NIN: variants seen among roughly 807,000 people sequenced by gnomAD.
NIN encodes the protein ninein.
In NIN, 137 loss-of-function variants were observed where a neutral mutation model predicts 257.6. That is an observed-to-expected ratio of 0.53 (90% CI 0.46 to 0.61). The LOEUF (loss-of-function observed/expected upper bound fraction) is 0.61. Ranked by LOEUF, NIN falls within the 20% of genes least tolerant of loss-of-function variation. NIN has a pLI of 0.00. For synonymous variants in NIN, 918 were observed against 919.8 expected, an observed-to-expected ratio of 1.00 and a Z score of 0.04; for missense variants, 2,439 against 2,501.2, an observed-to-expected ratio of 0.98 and a Z score of 0.53.
At chr14:50,746,637 C>T (rs1412302421) in intron 22 of NIN, among the ~76,000 whole-genome samples, 21 of 152,142 alleles carry the variant, frequency 1.4e-4, no homozygotes, top group Admixed American at 1.4e-3. Flanking sequence ...TATATGAGTG[C>T]CATCACAATC....
intron 28 of NIN, among the ~76,000 whole-genome samples, chr14:50,731,621 G>A (rs545486833): frequency 3.8e-4 from 58 of 151,780 alleles, no homozygotes; most frequent in Middle Eastern, 3.4e-3. Flanking sequence ...GGATCACGAG[G>A]TCAGGAGATC....
At chr14:50,789,423 A>G (rs2043486722) in intron 5 of NIN, among the ~76,000 whole-genome samples, 1 of 152,186 alleles carries the variant, frequency 6.6e-6, no homozygotes, top group African/African-American at 2.4e-5. Flanking sequence ...AAATACAAAA[A>G]TTAGCCAGGC....
chr14:50,745,999 A>G (rs1038777994), intron 22 of NIN, among the ~76,000 whole-genome samples: 4 of 151,460 alleles, frequency 2.6e-5, no homozygotes, highest in African/African-American at 9.7e-5. Context: ...CAGGCTCACA[A>G]TTTCTTCATC....
At chr14:50,739,009 G>A (rs776446192) in intron 26 of NIN, among the ~76,000 whole-genome samples, 1 of 152,062 alleles carries the variant, frequency 6.6e-6, no homozygotes, top group African/African-American at 2.4e-5. Flanking sequence ...ACTAGTCTTG[G>A]TGGCCAGCCA....
Position 50,787,196 on chromosome 14 carries a change from C to T in NIN, c.435+5516G>A, listed in dbSNP as rs141117787. ...CTGTTGATAAGAATCTTACTAGACC[C>T]GATTTATTCCCTGTGGAGGAAAACA... On this transcript the variant is annotated intron_variant, in intron 5 of 30. Transcript: ENST00000530997. 1.5e-4 allele frequency among the ~76,000 whole-genome samples: 23 copies of T among 152,306 alleles called. 1 individual carries two copies. The East Asian group carries it at 4.4e-3, about 29-fold the overall frequency.
At chr14:50,780,651 A>T (rs1237246180) in intron 5 of NIN, among the ~76,000 whole-genome samples, 1 of 152,206 alleles carries the variant, frequency 6.6e-6, no homozygotes, top group Non-Finnish European at 1.5e-5. Flanking sequence ...GATATTTAAG[A>T]TAGTATCAAT....
rs943462947 is a variant in NIN, at chr14:50,722,218, G to C, written c.*1245C>G. The C allele has an allele frequency of 3.1e-5, 7 of 225,528 alleles. No homozygotes were observed. The highest frequency in any genetic ancestry group is 3.5e-5 in the Non-Finnish European group (4 of 113,308). The allele number at this position is 225,528 out of a possible 1,614,324, so 14.0% of individuals were successfully genotyped here. On this transcript the variant is annotated 3_prime_UTR_variant, in exon 31 of 31. Coordinates refer to ENST00000530997, the MANE Select transcript of NIN (RefSeq NM_020921.4). ...GACTGTTCTATAAAGTTTTGATCTT[G>C]AGCATGAGTGGAAAGTCCTATTTGG...
chr14:50,827,141 C>T (rs1217632248), intron 2 of NIN, among the ~76,000 whole-genome samples: 2 of 152,208 alleles, frequency 1.3e-5, no homozygotes, highest in African/African-American at 4.8e-5. Flanking sequence ...ATTGGCTGCA[C>T]AGATTTTCAG....
chr14:50,814,491 G>A (rs529203864), intron 3 of NIN, among the ~76,000 whole-genome samples: 1 of 152,162 alleles, frequency 6.6e-6, no homozygotes, highest in Non-Finnish European at 1.5e-5. Context: ...AAGGGAAATA[G>A]TCTTCCCATT....
At chr14:50,823,074 G>A (rs2045301174) in intron 2 of NIN, 1 of 414,428 alleles carries the variant, frequency 2.4e-6, no homozygotes, top group South Asian at 1.9e-5. Context: ...AAAACTTGGA[G>A]ACGTCAATAA....
At chr14:50,766,564 G>GTA (rs1258900272) in intron 13 of NIN, among the ~76,000 whole-genome samples, 168 bp from the exon 14 acceptor site, 1 of 152,210 alleles carries the variant, frequency 6.6e-6, no homozygotes. Flanking sequence ...GCACTAGAGT[G>GTA]ACGTGTTCAA....
chr14:50,818,686 C>T (rs2045051274), intron 3 of NIN, among the ~76,000 whole-genome samples: 1 of 152,118 alleles, frequency 6.6e-6, no homozygotes, highest in Admixed American at 6.5e-5. Context: ...CGGCAATATC[C>T]CTTTTCCTTC....
intron 29 of NIN, chr14:50,727,618 G>A: frequency 6.9e-7 from 1 of 1,440,722 alleles, no homozygotes; most frequent in Admixed American, 1.8e-5. Flanking sequence ...TCTGTGTGTG[G>A]TGTGTGTGCA....
chr14:50,782,808 AT>A (rs911978371), intron 5 of NIN, among the ~76,000 whole-genome samples: 1 of 152,166 alleles, frequency 6.6e-6, no homozygotes, highest in African/African-American at 2.4e-5. Context: ...ATTATGACAG[AT>A]GAGGCGGTTT....
intron 20 of NIN, among the ~76,000 whole-genome samples, chr14:50,753,588 C>T (rs1173198349): frequency 1.3e-5 from 2 of 152,102 alleles, no homozygotes; most frequent in Non-Finnish European, 2.9e-5. Context: ...TCCATTTATA[C>T]ATGGTAGTAT....
chr14:50,770,446 A>G lies in NIN; in HGVS notation c.1376T>C (p.Ile459Thr). ...GKQRLELEQE[I>T]EKAKTEENYI... ...GTTCTCTTCTGTTTTTGCCTTTTCA[A>G]TTTCCTGTTCAAGTTCTAAACGCTG... Residue 459 changes from isoleucine to threonine, a missense_variant, in exon 12 of 31, where the codon ATT (isoleucine) becomes ACT (threonine). By Grantham distance (89) the Ile-to-Thr change is moderately conservative. Transcript: ENST00000530997. The G allele has an allele frequency of 1.2e-6, 2 of 1,614,154 alleles. No homozygotes were observed. Among genetic ancestry groups the G allele is most frequent in the Non-Finnish European group, 8.5e-7 (1 of 1,180,010 alleles).
At chr14:50,775,216 T>C (rs2141848581) in intron 7 of NIN, among the ~76,000 whole-genome samples, 1 of 152,184 alleles carries the variant, frequency 6.6e-6, no homozygotes. Flanking sequence ...TTTTTTTCAA[T>C]GTAGCAAAAA....
At chr14:50,776,461 T>C in intron 7 of NIN, among the ~76,000 whole-genome samples, 1 of 152,228 alleles carries the variant, frequency 6.6e-6, no homozygotes, top group East Asian at 1.9e-4. Context: ...TAGCTCCTCG[T>C]CAGCAAGCAA....
intron 28 of NIN, among the ~76,000 whole-genome samples, chr14:50,733,604 T>C (rs2040828035): frequency 1.3e-5 from 2 of 152,174 alleles, no homozygotes; most frequent in South Asian, 4.1e-4. Flanking sequence ...ATAATGTTAA[T>C]GGGTGCTGGG....
Sources: allele counts gnomAD v4.1 joint callset (sites outside exome capture counted in the v4.1 genomes callset), GRCh38; gene constraint gnomAD v4.1.1; transcripts MANE v1.5; gene names NCBI Gene and HGNC (gene_info 2026-07-23, HGNC 2026-07-21).